CEP85L: variants seen among roughly 807,000 people sequenced by gnomAD.
CEP85L encodes the protein centrosomal protein of 85 kDa-like.
A neutral mutation model predicts 100.3 loss-of-function variants in CEP85L; 60 were observed. The ratio of observed to expected loss-of-function variants is 0.60; its 90% confidence interval spans 0.49 to 0.74. CEP85L has a LOEUF of 0.74. Among genes scored for constraint, CEP85L ranks in the 30% least tolerant of loss-of-function variants. CEP85L has a pLI of 0.00. For synonymous variants in CEP85L, 319 were observed against 322.7 expected (o/e 0.99, Z 0.12); for missense variants, 973 against 936.2 (o/e 1.04, Z -0.51).
intron 10 of CEP85L, among the ~76,000 whole-genome samples, chr6:118,471,101 A>G (rs1311722507): frequency 6.6e-6 from 1 of 152,078 alleles, no homozygotes; most frequent in Non-Finnish European, 1.5e-5. Context: ...CATTTGAAAC[A>G]TAGCTCCCGT....
At chr6:118,598,072 G>A (rs537615067) in intron 2 of CEP85L, among the ~76,000 whole-genome samples, 5 of 152,306 alleles carry the variant, frequency 3.3e-5, no homozygotes, top group Non-Finnish European at 7.4e-5. Flanking sequence ...TTTAAAAAGA[G>A]TATGATTTGC....
At chr6:118,546,607 A>G (rs908469004) in intron 3 of CEP85L, among the ~76,000 whole-genome samples, 1 of 152,202 alleles carries the variant, frequency 6.6e-6, no homozygotes. Flanking sequence ...TATTCAAATT[A>G]TAATTTTTTC....
At chr6:118,604,911 G>A (rs938848012) in intron 2 of CEP85L, among the ~76,000 whole-genome samples, 3 of 128,504 alleles carry the variant, frequency 2.3e-5, no homozygotes, top group African/African-American at 5.5e-5. Flanking sequence ...CTAAAGTCAC[G>A]TGAACAAAAA....
chr6:118,558,829 C>T, intron 3 of CEP85L: 1 of 849,036 alleles, frequency 1.2e-6, no homozygotes, highest in Non-Finnish European at 2.0e-6. Context: ...TTCCAGGCTA[C>T]CTAAAAGAAG....
rs150192989 is a variant in CEP85L at position 118,565,595 on chromosome 6, G to A, written c.954C>T (p.Tyr318=). Residue 318 remains tyrosine (Y), a synonymous_variant, in exon 3 of 13, where the codon TAC becomes TAT. Coordinates refer to ENST00000368491, the MANE Select transcript of CEP85L (RefSeq NM_001042475.3). ...PLEGRNTEDS[Y]SLAPWQQQQI... is the part of the protein sequence containing the mutation. ...GCTGCTGTTGCCAAGGAGCTAAACT[G>A]TAAGAATCCTCTGTATTTCTACCTT... 6.2e-7 allele frequency: 1 copy of A among 1,614,196 alleles called. No individual in the cohort carries two copies. Among genetic ancestry groups the A allele is most frequent in the African/African-American group, 1.3e-5 (1 of 75,062 alleles).
chr6:118,658,566 T>C (rs1775872342), intron 1 of CEP85L, among the ~76,000 whole-genome samples: 1 of 152,138 alleles, frequency 6.6e-6, no homozygotes, highest in African/African-American at 2.4e-5. Flanking sequence ...TCTCTTAGCC[T>C]GACATAAATT....
intron 5 of CEP85L, among the ~76,000 whole-genome samples, chr6:118,503,831 C>CAAAAA (rs71012390): frequency 4.7e-5 from 6 of 126,998 alleles, no homozygotes; most frequent in African/African-American, 1.2e-4. Context: ...TATAAAACTC[C>CAAAAA]AAAAAAAAAA....
chr6:118,541,601 A>G (rs533736682), intron 3 of CEP85L, among the ~76,000 whole-genome samples: 9 of 152,334 alleles, frequency 5.9e-5, no homozygotes, highest in Admixed American at 6.5e-5. Flanking sequence ...GTGTAACTGA[A>G]GCATAGAAGC....
chr6:118,614,755 T>A (rs577768447), intron 2 of CEP85L, among the ~76,000 whole-genome samples: 3 of 152,228 alleles, frequency 2.0e-5, no homozygotes, highest in Admixed American at 6.5e-5. Flanking sequence ...GCAGGAGAAT[T>A]GCTTGGACCC....
intron 1 of CEP85L, among the ~76,000 whole-genome samples, chr6:118,683,785 G>T (rs1419879233): frequency 1.3e-5 from 2 of 152,198 alleles, no homozygotes; most frequent in Non-Finnish European, 2.9e-5. Flanking sequence ...TTACTCAGCT[G>T]CTTCTTGCAA....
intron 2 of CEP85L, among the ~76,000 whole-genome samples, chr6:118,617,377 G>C (rs1253681141): frequency 6.6e-6 from 1 of 152,174 alleles, no homozygotes; most frequent in Non-Finnish European, 1.5e-5. Context: ...TCTGTGATCA[G>C]TGGGCCTTAT....
rs927501548 is a variant in CEP85L, at chr6:118,527,051, T to C, written c.1021-3131A>G. On this transcript the variant is annotated intron_variant, in intron 3 of 12. Coordinates refer to ENST00000368491, the MANE Select transcript of CEP85L (RefSeq NM_001042475.3). The stretch of plus-strand genomic sequence containing the variant: ...TTTAATTGAGACGCAGTCTCACTCT[T>C]GTTGCCCAGGCTGGAGTGCGATGGC... 3.3e-4 allele frequency among the ~76,000 whole-genome samples: 48 copies of C among 147,504 alleles called. 1 individual carries two copies. Among genetic ancestry groups the C allele is most frequent in the Admixed American group, 4.8e-4 (7 of 14,564 alleles).
At chr6:118,652,018 T>G (rs556728462), upstream of CEP85L, 11 of 528,596 alleles carry the variant, frequency 2.1e-5, no homozygotes, top group African/African-American at 2.3e-4. Context: ...GATTGGGATT[T>G]AAATCCTCAT....
At chr6:118,577,006 C>T (rs1780278445) in intron 2 of CEP85L, among the ~76,000 whole-genome samples, 1 of 152,158 alleles carries the variant, frequency 6.6e-6, no homozygotes, top group Non-Finnish European at 1.5e-5. Context: ...TGTATGGTAG[C>T]CCTCTTCCAA....
intron 2 of CEP85L, among the ~76,000 whole-genome samples, chr6:118,610,841 A>G (rs746372422): frequency 2.0e-4 from 30 of 152,250 alleles, no homozygotes; most frequent in Admixed American, 1.7e-3. Flanking sequence ...GTCATCAGAA[A>G]TCATGGCAGC....
At chr6:118,522,693 C>T (rs919472489) in intron 4 of CEP85L, among the ~76,000 whole-genome samples, 5 of 152,052 alleles carry the variant, frequency 3.3e-5, no homozygotes, top group Admixed American at 3.3e-4. Context: ...TACTGGCCAA[C>T]ACGGCAAAAC....
chr6:118,667,451 G>A (rs771465325), intron 1 of CEP85L, among the ~76,000 whole-genome samples: 1 of 152,222 alleles, frequency 6.6e-6, no homozygotes, highest in Non-Finnish European at 1.5e-5. Context: ...GCATCTTAAT[G>A]TAAAGCTGGA....
At position 118,470,587 on chromosome 6, in the gene CEP85L, G is replaced by A. The variant is rs200926586; in HGVS notation, c.1972C>T (p.Leu658=). The A allele has an allele frequency of 3.7e-6, 6 of 1,606,140 alleles. No individual in the cohort carries two copies. The African/African-American group carries it at 6.7e-5, about 18-fold the overall frequency. The part of the protein sequence containing the change: ...KLTTQKMMEE[L]EKKERNVQRL... The stretch of plus-strand genomic sequence containing the variant: ...TGTACATTTCTTTCTTTCTTTTCCA[G>A]CTCTTCCATCATCTTTTGAGTGGTC... Residue 658 remains leucine (L), a synonymous_variant, in exon 11 of 13, where the codon CTG becomes TTG. Transcript: ENST00000368491.
intron 5 of CEP85L, among the ~76,000 whole-genome samples, chr6:118,498,250 T>C (rs112962449): frequency 6.6e-6 from 1 of 152,098 alleles, no homozygotes; most frequent in African/African-American, 2.4e-5. Flanking sequence ...TCCCAGTACT[T>C]TGAGAGGCTG....
Sources: gnomAD v4.1 joint callset for allele counts (sites outside exome capture counted in the v4.1 genomes callset) on GRCh38, gnomAD v4.1.1 for gene constraint, MANE v1.5 for transcripts, NCBI Gene and HGNC (gene_info 2026-07-23, HGNC 2026-07-21) for gene names.